The following CABIN1 variants were observed in gnomAD, a reference collection of about 807,000 sequenced individuals.
CABIN1 encodes calcineurin binding protein 1, also known as calcineurin-binding protein cabin-1.
A neutral mutation model predicts 227.7 loss-of-function variants in CABIN1; 133 were observed. The ratio of observed to expected loss-of-function variants is 0.58; its 90% CI spans 0.51 to 0.67. CABIN1 has a LOEUF of 0.67. CABIN1 is among the 30% of genes least tolerant of loss of function. The pLI, the probability that CABIN1 is intolerant of heterozygous loss-of-function variation, is 0.00. For synonymous variants in CABIN1, 1,086 were observed against 1,155.1 expected, an observed-to-expected ratio of 0.94 and a Z score of 1.21; for missense variants, 2,408 against 2,852.5, an observed-to-expected ratio of 0.84 and a Z score of 3.55.
chr22:24,147,265 G>C (rs1464315458), intron 29 of CABIN1, among the ~76,000 whole-genome samples: 356 of 27,994 alleles, frequency 0.013, 2 homozygotes, highest in Admixed American at 0.022. Flanking sequence ...CCCTCCCTCC[G>C]TCCCTGCCTC....
intron 12 of CABIN1, 60 bp downstream of exon 12, chr22:24,060,201 T>C (rs867289568): frequency 2.7e-6 from 4 of 1,479,994 alleles, no homozygotes; most frequent in Non-Finnish European, 2.8e-6. Flanking sequence ...GGGACAGGGA[T>C]CTTGCATGGG....
At chr22:24,042,779 C>T (rs2075380127) in intron 5 of CABIN1, 125 bp from the exon 6 acceptor site, 2 of 899,976 alleles carry the variant, frequency 2.2e-6, no homozygotes, top group Non-Finnish European at 3.5e-6. Context: ...GTGCCGTGCT[C>T]CTCCCGTCCC....
intron 28 of CABIN1, among the ~76,000 whole-genome samples, chr22:24,132,888 G>C (rs1202338758): frequency 4.6e-5 from 7 of 152,124 alleles, no homozygotes; most frequent in Admixed American, 4.6e-4. Flanking sequence ...GCGCCCAGCT[G>C]CTGGGGACAC....
At chr22:24,042,388 C>G (rs1306094907) in intron 5 of CABIN1, among the ~76,000 whole-genome samples, 4 of 152,090 alleles carry the variant, frequency 2.6e-5, no homozygotes, top group Admixed American at 2.6e-4. Context: ...TGAGACAAGC[C>G]TGGATAACAT....
intron 8 of CABIN1, among the ~76,000 whole-genome samples, chr22:24,053,448 G>A (rs2038523395): frequency 6.6e-6 from 1 of 151,934 alleles, no homozygotes; most frequent in South Asian, 2.1e-4. Context: ...TGCGATCTTG[G>A]CTCACTGCAA....
chr22:24,047,710 C>G (rs1235594849), intron 6 of CABIN1, among the ~76,000 whole-genome samples: 1 of 152,254 alleles, frequency 6.6e-6, no homozygotes, highest in Non-Finnish European at 1.5e-5. Context: ...TTTCTCCTCT[C>G]CCAAGGCTTC....
At position 24,095,991 on chromosome 22, in the gene CABIN1, G is replaced by A. The variant is rs894841298; in HGVS notation, c.3847G>A (p.Gly1283Ser). 11 of 1,614,016 alleles carry A rather than the reference G, an allele frequency of 6.8e-6. No individual in the cohort carries two copies. The African/African-American group carries it at 1.3e-4, about 20-fold the overall frequency. ...CCTGGGGAAGCCCGATTCTGGGGTTGGTGCAGAGGTCCTGGTCAACTTTAT... is the reference window on the plus strand; with the variant it reads ...CCTGGGGAAGCCCGATTCTGGGGTTAGTGCAGAGGTCCTGGTCAACTTTAT... ...KLLGKPDSGVGAEVLVNFMKE... is the reference protein window; with the variant it reads ...KLLGKPDSGVSAEVLVNFMKE... Residue 1283 changes from glycine (G) to serine (S), a missense_variant, in exon 25 of 37, where the codon GGT becomes AGT. Around this residue, in one of 3 missense-constraint regions of CABIN1, gnomAD observed 649 missense variants for 910.3 expected, o/e 0.71. Coordinates refer to ENST00000263119, the MANE Select transcript of CABIN1 (RefSeq NM_012295.4).
In CABIN1 at chr22:24,060,090, C is replaced by T. The variant is rs2146377835; in HGVS notation, c.1566C>T (p.Ser522=). ...LSVYHSWRRH[S]TSLPNPLLRD... The stretch of plus-strand genomic sequence containing the variant: ...TCTACCACAGCTGGAGGAGGCACAG[C>T]ACCAGCCTGCCCAACCCGCTGCTGA... The change falls in exon 12 of 37, where the codon AGC becomes AGT. Residue 522 remains serine, a synonymous_variant. Transcript: ENST00000263119. 6.2e-7 allele frequency: 1 copy of T among 1,614,062 alleles called. No homozygotes were observed. Among genetic ancestry groups the T allele is most frequent in the South Asian group, 1.1e-5 (1 of 91,076 alleles).
At chr22:24,016,993 CT>C (rs1486900716) in intron 1 of CABIN1, among the ~76,000 whole-genome samples, 1 of 143,718 alleles carries the variant, frequency 7.0e-6, no homozygotes, top group Non-Finnish European at 1.5e-5. Context: ...TGTTCTTTAG[CT>C]TTTTAAAAAA....
chr22:24,130,560 G>A (rs747743135), intron 28 of CABIN1, among the ~76,000 whole-genome samples: 49 of 152,136 alleles, frequency 3.2e-4, no homozygotes, highest in Non-Finnish European at 4.0e-4. Context: ...CGAAGCTACA[G>A]GGCAGGTTCT....
Position 24,076,374 on chromosome 22 carries a change from A to C in CABIN1, c.2748+90A>C. 10 of 1,056,976 alleles carry C rather than the reference A, an allele frequency of 9.5e-6. No individual in the cohort carries two copies. In the South Asian group the frequency reaches 1.3e-4, roughly 14 times the overall value. 65.5% of individuals were successfully genotyped at this position (1,056,976 alleles called of 1,614,324 possible). A position where few individuals can be genotyped will look rare whatever the true frequency, so the allele number is the denominator to read the frequency against. ...GGGAAGGGGACAGATTCATGTTGGC[A>C]CGCTGGGCTTGCTTGGCCTTCCCTC... On this transcript the variant is annotated intron_variant, in intron 19 of 36. Coordinates refer to ENST00000263119, the MANE Select transcript of CABIN1 (RefSeq NM_012295.4).
At chr22:24,089,074 C>T (rs1034593577) in intron 23 of CABIN1, among the ~76,000 whole-genome samples, 6 of 152,180 alleles carry the variant, frequency 3.9e-5, no homozygotes, top group African/African-American at 1.2e-4. Flanking sequence ...AGCAGGAGCA[C>T]CATTATCCTC....
At chr22:24,019,186 A>T (rs1330182322) in intron 1 of CABIN1, among the ~76,000 whole-genome samples, 7 of 119,138 alleles carry the variant, frequency 5.9e-5, no homozygotes, top group African/African-American at 2.3e-4. Context: ...GCTGGAGTGC[A>T]GTGGGGCAAT....
chr22:24,042,839 T>TGTGTGTGTGTGTGTGTGTGTG (rs2037511044), intron 5 of CABIN1, 65 bp from the exon 6 acceptor site: 1 of 716,822 alleles, frequency 1.4e-6, no homozygotes, highest in African/African-American at 1.8e-5. Flanking sequence ...TGTGTGTGTG[T>TGTGTGTGTGTGTGTGTGTGTG]GTGTGTGTGT....
chr22:24,176,349 C>T, intron 35 of CABIN1, 74 bp downstream of exon 35: 2 of 1,503,748 alleles, frequency 1.3e-6, no homozygotes, highest in Non-Finnish European at 1.8e-6. Context: ...GGGTGGGTTT[C>T]CCGGCCTGGC....
rs1275306765 is a variant in CABIN1 at position 24,055,121 on chromosome 22, T to C, written c.1055T>C (p.Leu352Pro). 1 of 1,613,778 alleles carries C rather than the reference T, an allele frequency of 6.2e-7. No individual in the cohort carries two copies. Among genetic ancestry groups the C allele is most frequent in the East Asian group, 2.2e-5 (1 of 44,886 alleles). ...YTSVATTSFP[L>P]HSPGLLETGA... ...TCTGTGGCTACAACCAGCTTCCCAC[T>C]GCACAGTCCTGGTCTGTTGGAGACA... is the stretch of plus-strand genomic sequence containing the variant. Residue 352 changes from leucine to proline, a missense_variant, in exon 9 of 37, where the codon CTG (leucine) becomes CCG (proline). By Grantham distance (98) the Leu-to-Pro change is moderately conservative (BLOSUM62 -3). Coordinates refer to ENST00000263119, the MANE Select transcript of CABIN1 (RefSeq NM_012295.4).
intron 29 of CABIN1, 42 bp downstream of exon 29, chr22:24,134,457 C>T (rs1390208056): frequency 2.7e-6 from 4 of 1,493,086 alleles, no homozygotes; most frequent in Non-Finnish European, 3.7e-6. Flanking sequence ...TGTTTGTTGC[C>T]ACTGCTTTTC....
chr22:24,096,681 C>T (rs1195212840), intron 25 of CABIN1, among the ~76,000 whole-genome samples: 1 of 152,196 alleles, frequency 6.6e-6, no homozygotes, highest in African/African-American at 2.4e-5. Flanking sequence ...GGGGCAAGTC[C>T]TAGGGAGAAA....
intron 18 of CABIN1, 70 bp downstream of exon 18, chr22:24,072,580 G>T: frequency 6.3e-7 from 1 of 1,586,604 alleles, no homozygotes. Context: ...CTCTGCCCTA[G>T]GGTCCTGGAC....
Sources: allele counts gnomAD v4.1 joint callset (sites outside exome capture counted in the v4.1 genomes callset), GRCh38; gene constraint gnomAD v4.1.1; regional missense constraint gnomAD v4.1.1; transcripts MANE v1.5; gene names NCBI Gene and HGNC (gene_info 2026-07-23, HGNC 2026-07-21).